Variants in PRPSAP2 observed in about 807,000 individuals in gnomAD.
The protein encoded by PRPSAP2 is phosphoribosyl pyrophosphate synthase-associated protein 2.
In PRPSAP2, 24 loss-of-function variants were observed where a neutral mutation model predicts 40.6. The observed-to-expected ratio is 0.59, with a 90% CI of 0.43 to 0.83. The LOEUF (loss-of-function observed/expected upper bound fraction) is 0.83, where lower values mean the gene tolerates loss of function less well. Among genes scored for constraint, PRPSAP2 ranks in the 40% least tolerant of loss-of-function variants. PRPSAP2 has a pLI of 0.00. For missense variants in PRPSAP2, 292 were observed against 465.6 expected, an observed-to-expected ratio of 0.63 and a Z score of 3.43; for synonymous variants, 149 against 164.7, an observed-to-expected ratio of 0.90 and a Z score of 0.73.
rs146196335 is a variant in PRPSAP2 at position 18,919,643 on chromosome 17, G to A, written c.734-4271G>A. Among the ~76,000 whole-genome samples the A allele has an allele frequency of 3.2e-3, 483 of 152,322 alleles. 1 individual carries two copies. The highest frequency in any genetic ancestry group is 0.011 in the African/African-American group (467 of 41,562). On this transcript the variant is annotated intron_variant, in intron 9 of 11. Coordinates refer to ENST00000268835, the MANE Select transcript of PRPSAP2 (RefSeq NM_002767.4). Reference sequence around the variant, plus strand: ...ATGGTGCCACTGCACTCCAGCCTGTGTGACAGAGTGAGACCCTGTCTCTAA... The same window carrying A: ...ATGGTGCCACTGCACTCCAGCCTGTATGACAGAGTGAGACCCTGTCTCTAA...
intron 1 of PRPSAP2, among the ~76,000 whole-genome samples, chr17:18,863,368 G>T (rs2037182191): frequency 6.6e-6 from 1 of 152,094 alleles, no homozygotes; most frequent in East Asian, 1.9e-4. Context: ...TGGGATTAGC[G>T]GTGTGAGTTG....
At chr17:18,927,816 G>C (rs962386631) in intron 10 of PRPSAP2, among the ~76,000 whole-genome samples, 1 of 152,076 alleles carries the variant, frequency 6.6e-6, no homozygotes, top group Non-Finnish European at 1.5e-5. Flanking sequence ...GTCTGGGTCT[G>C]CTGCCCAGGT....
chr17:18,919,630 C>A (rs2041577574), intron 9 of PRPSAP2, among the ~76,000 whole-genome samples: 1 of 152,168 alleles, frequency 6.6e-6, no homozygotes, highest in Non-Finnish European at 1.5e-5. Context: ...GGTGCCACTG[C>A]ACTCCAGCCT....
chr17:18,858,658 C>G (rs1434573354), intron 1 of PRPSAP2: 1 of 152,226 alleles, frequency 6.6e-6, no homozygotes, highest in African/African-American at 2.4e-5. Context: ...TTGCTAGTTA[C>G]GAATATATCT....
chr17:18,865,925 G>A lies in PRPSAP2; in HGVS notation c.92G>A (p.Cys31Tyr), dbSNP rs754933880. 2.7e-6 allele frequency: 4 copies of A among 1,503,540 alleles called. No homozygotes were observed. The highest frequency in any genetic ancestry group is 3.6e-6 in the Non-Finnish European group (4 of 1,113,154). 93.1% of individuals were successfully genotyped at this position (1,503,540 alleles called of 1,614,324 possible). A position where few individuals can be genotyped will look rare whatever the true frequency, so the allele number is the denominator to read the frequency against. Reference sequence around the variant, plus strand: ...TTTTCAGCAAACTCGAATTCATCATGTATGGAGCTATCAAAGAAAATTGCA... The same window carrying A: ...TTTTCAGCAAACTCGAATTCATCATATATGGAGCTATCAAAGAAAATTGCA... The part of the protein sequence containing the change: ...VLFSANSNSS[C>Y]MELSKKIAER... The change falls in exon 3 of 12, where the codon TGT becomes TAT. Residue 31 changes from cysteine to tyrosine, a missense_variant. Physicochemically the swap from Cys to Tyr is radical, Grantham distance 194 (BLOSUM62 -2). Coordinates refer to ENST00000268835, the MANE Select transcript of PRPSAP2 (RefSeq NM_002767.4).
chr17:18,889,747 CCAAG>C, intron 7 of PRPSAP2, 71 bp from the exon 8 acceptor site: 1 of 1,204,108 alleles, frequency 8.3e-7, no homozygotes, highest in African/African-American at 1.6e-5. Flanking sequence ...TTTCAACTAG[CCAAG>C]CATTTTTGGG....
Position 18,928,797 on chromosome 17 carries a change from C to T in PRPSAP2, c.805-14C>T. On this transcript the variant is annotated splice_polypyrimidine_tract_variant and intron_variant, in intron 10 of 11. Transcript: ENST00000268835. ...AGTGCTCATATACATTCTTTTCCAT[C>T]TGTGCTTTGGCAGGATGACATCATT... is the stretch of plus-strand genomic sequence containing the variant. The T allele has an allele frequency of 1.2e-6, 2 of 1,613,146 alleles. No homozygotes were observed. The highest frequency in any genetic ancestry group is 2.2e-5 in the South Asian group (2 of 91,034).
At chr17:18,904,240 G>A (rs2040446593) in intron 8 of PRPSAP2, 1 of 152,076 alleles carries the variant, frequency 6.6e-6, no homozygotes, top group Non-Finnish European at 1.5e-5. Flanking sequence ...ATGTAGAATG[G>A]TGGTGGTTAG....
chr17:18,894,875 C>CTGAA (rs1221418820), intron 8 of PRPSAP2, among the ~76,000 whole-genome samples: 2 of 152,122 alleles, frequency 1.3e-5, no homozygotes, highest in Admixed American at 1.3e-4. Flanking sequence ...TCCATATAAA[C>CTGAA]TTCAGAATCA....
intron 4 of PRPSAP2, among the ~76,000 whole-genome samples, chr17:18,868,760 GTTGCCC>G (rs1450124406): frequency 1.2e-4 from 17 of 145,510 alleles, no homozygotes; most frequent in Non-Finnish European, 2.2e-4. Context: ...GTCTCATTAT[GTTGCCC>G]AGGCTTATCT....
Position 18,894,316 on chromosome 17 carries a change from C to T in PRPSAP2, c.584+4439C>T, listed in dbSNP as rs140418251. 2.4e-3 allele frequency among the ~76,000 whole-genome samples: 366 copies of T among 151,904 alleles called. 12 individuals carry two copies. The East Asian group carries it at 0.059, about 24-fold the overall frequency. On this transcript the variant is annotated intron_variant, in intron 8 of 11. Transcript: ENST00000268835. ...CTGGGATTACAGGCATGCGCCACCA[C>T]GCCTATCTAATTTTGTATTTTTAGT...
chr17:18,926,614 A>C (rs1474865146), intron 10 of PRPSAP2, among the ~76,000 whole-genome samples: 1 of 152,084 alleles, frequency 6.6e-6, no homozygotes, highest in East Asian at 1.9e-4. Flanking sequence ...GTAATTATAG[A>C]TCCACAGGAA....
At position 18,911,978 on chromosome 17, in the gene PRPSAP2, T is replaced by A. The variant is rs565000237; in HGVS notation, c.733+727T>A. ...CGGGTGAATCACCTGAGGTCAGGAGTTCGAGACCAGCCTGATCCACATGGA... is the reference window on the plus strand; with the variant it reads ...CGGGTGAATCACCTGAGGTCAGGAGATCGAGACCAGCCTGATCCACATGGA... On this transcript the variant is annotated intron_variant, in intron 9 of 11. Coordinates refer to ENST00000268835, the MANE Select transcript of PRPSAP2 (RefSeq NM_002767.4). This position sits in a 1 kb window ranked among gnomAD's most constrained non-coding sequence, Gnocchi z 4.5. 5.3e-5 allele frequency among the ~76,000 whole-genome samples: 8 copies of A among 151,784 alleles called. No homozygotes were observed. In the South Asian group the frequency reaches 1.7e-3, roughly 32 times the overall value.
chr17:18,929,217 C>T (rs1774789816), intron 11 of PRPSAP2, among the ~76,000 whole-genome samples: 1 of 151,866 alleles, frequency 6.6e-6, no homozygotes, highest in African/African-American at 2.4e-5. Flanking sequence ...ATTAGCCGGG[C>T]GTGGTGGCAC....
chr17:18,879,070 A>C (rs1050145639), intron 6 of PRPSAP2, among the ~76,000 whole-genome samples: 11 of 152,006 alleles, frequency 7.2e-5, no homozygotes, highest in Non-Finnish European at 1.2e-4. Flanking sequence ...GGGTTTTGCC[A>C]TGTTGGCCAG....
At chr17:18,880,992 C>T (rs1393403583) in intron 6 of PRPSAP2, among the ~76,000 whole-genome samples, 1 of 151,908 alleles carries the variant, frequency 6.6e-6, no homozygotes, top group African/African-American at 2.4e-5. Flanking sequence ...TGCCACCACA[C>T]TTGGCTAATT....
chr17:18,926,777 AGTGTGTGTGTGTGT>A (rs71155377), intron 10 of PRPSAP2, among the ~76,000 whole-genome samples: 1 of 148,222 alleles, frequency 6.7e-6, no homozygotes, highest in Non-Finnish European at 1.5e-5. Context: ...AGTGAGTGTG[AGTGTGTGTGTGTGT>A]GTGTGTGTGT....
chr17:18,872,298 T>A (rs1422998856), intron 4 of PRPSAP2, among the ~76,000 whole-genome samples: 1 of 151,242 alleles, frequency 6.6e-6, no homozygotes, highest in African/African-American at 2.4e-5. Flanking sequence ...AAAGTTACCA[T>A]GCTCGGAGTG....
Position 18,877,647 on chromosome 17 carries a change from G to A in PRPSAP2, c.240-51G>A, listed in dbSNP as rs375649517. 46 of 1,523,412 alleles carry A rather than the reference G, an allele frequency of 3.0e-5. No homozygotes were observed. The African/African-American group carries it at 5.0e-4, about 16-fold the overall frequency. The allele number at this position is 1,523,412 out of a possible 1,614,324, so 94.4% of individuals were successfully genotyped here. A position where few individuals can be genotyped will look rare whatever the true frequency, so the allele number is the denominator to read the frequency against. ...CACTGCTGACACTTTTTGGAACAGG[G>A]AATACTGTGTTGTAGATCCCTTGAT... On this transcript the variant is annotated intron_variant, in intron 5 of 11. Transcript: ENST00000268835.
Sources: gnomAD v4.1 joint callset for allele counts (sites outside exome capture counted in the v4.1 genomes callset) on GRCh38, gnomAD v4.1.1 for gene constraint, Gnocchi (gnomAD v3.1) non-coding constraint, MANE v1.5 for transcripts, NCBI Gene and HGNC (gene_info 2026-07-23, HGNC 2026-07-21) for gene names.